The following NBAS variants were observed in gnomAD, a reference collection of about 807,000 sequenced individuals.
NBAS encodes the protein NBAS subunit of NRZ tethering complex.
NBAS carries 219 observed loss-of-function variants against 302.5 expected under a neutral mutation model. The ratio of observed to expected loss-of-function variants is 0.72; its 90% confidence interval spans 0.65 to 0.81. NBAS has a LOEUF of 0.81. NBAS is among the 30% of genes least tolerant of loss of function. NBAS has a pLI of 0.00. For synonymous variants in NBAS, 1,118 were observed against 1,021.6 expected, an observed-to-expected ratio of 1.09 and a Z score of -1.80; for missense variants, 2,932 against 2,841.6, an observed-to-expected ratio of 1.03 and a Z score of -0.72.
intron 2 of NBAS, among the ~76,000 whole-genome samples, 156 bp downstream of exon 2, chr2:15,558,424 G>A (rs1244968183): frequency 2.0e-5 from 3 of 151,878 alleles, no homozygotes; most frequent in African/African-American, 4.8e-5. Flanking sequence ...ATATACAAAT[G>A]TATACATATA....
the NBAS span, among the ~76,000 whole-genome samples, chr2:15,089,734 G>A: frequency 6.9e-6 from 1 of 144,316 alleles, no homozygotes; most frequent in African/African-American, 2.6e-5. Context: ...TTGACAATTG[G>A]GTCAGGACTT....
chr2:15,229,363 A>G (rs866311533), intron 47 of NBAS, among the ~76,000 whole-genome samples: 1 of 150,582 alleles, frequency 6.6e-6, no homozygotes, highest in Non-Finnish European at 1.5e-5. Context: ...AAAAAAAAAA[A>G]AAAAAAAAAA....
chr2:15,037,248 C>T, the NBAS span, among the ~76,000 whole-genome samples: 3 of 152,144 alleles, frequency 2.0e-5, no homozygotes, highest in East Asian at 5.8e-4. Context: ...AAAAGGCTGG[C>T]CTGGGAATGC....
At chr2:15,029,160 G>A in the NBAS span, among the ~76,000 whole-genome samples, 2 of 152,148 alleles carry the variant, frequency 1.3e-5, no homozygotes, top group Admixed American at 6.5e-5. Context: ...CAGCTCCAAA[G>A]GGATTCATAA....
intron 44 of NBAS, among the ~76,000 whole-genome samples, chr2:15,252,672 T>C (rs1668419522): frequency 6.6e-6 from 1 of 152,132 alleles, no homozygotes; most frequent in South Asian, 2.1e-4. Flanking sequence ...ATTTAACTAA[T>C]TAAAAAAATA....
chr2:15,381,304 C>T (rs1214600872), intron 29 of NBAS, among the ~76,000 whole-genome samples: 1 of 152,062 alleles, frequency 6.6e-6, no homozygotes, highest in East Asian at 1.9e-4. Context: ...AATCTAACAA[C>T]CAAGTCACTA....
Position 15,527,767 on chromosome 2 carries a change from G to A in NBAS, c.746+6776C>T, listed in dbSNP as rs1392978474. Among the ~76,000 whole-genome samples the A allele has an allele frequency of 6.6e-5, 10 of 152,150 alleles. 1 individual carries two copies. On this transcript the variant is annotated intron_variant, in intron 9 of 51. Transcript: ENST00000281513. ...AATAGAAAAAAATTAACAATAAAAT[G>A]TGGTGTATTTAAACAGCGCCCAAAC...
the NBAS span, among the ~76,000 whole-genome samples, chr2:14,810,993 C>T: frequency 2.7e-3 from 414 of 152,346 alleles, 1 homozygote; most frequent in Middle Eastern, 0.027. Flanking sequence ...GAGGTAAGAA[C>T]ATCCAAAACA....
chr2:14,782,888 C>T, the NBAS span, among the ~76,000 whole-genome samples: 1 of 152,028 alleles, frequency 6.6e-6, no homozygotes, highest in Non-Finnish European at 1.5e-5. Flanking sequence ...TTTTCACTTA[C>T]AAGTGGGAGC....
chr2:15,253,817 C>A (rs1668464697), intron 44 of NBAS, among the ~76,000 whole-genome samples: 1 of 152,164 alleles, frequency 6.6e-6, no homozygotes, highest in Non-Finnish European at 1.5e-5. Flanking sequence ...TGGAGACCAC[C>A]TTTGCAAAAA....
chr2:15,058,278 G>A, the NBAS span, among the ~76,000 whole-genome samples: 3 of 152,162 alleles, frequency 2.0e-5, no homozygotes, highest in African/African-American at 7.2e-5. Context: ...GCTGGGGAGA[G>A]GAGTGTTACT....
intron 21 of NBAS, among the ~76,000 whole-genome samples, chr2:15,448,483 C>T (rs1470497783): frequency 6.6e-6 from 1 of 152,170 alleles, no homozygotes. Context: ...ACACAGCTAG[C>T]ATGTACTCAC....
At chr2:14,888,925 C>G in the NBAS span, among the ~76,000 whole-genome samples, 1 of 152,196 alleles carries the variant, frequency 6.6e-6, no homozygotes, top group African/African-American at 2.4e-5. Flanking sequence ...CATGAGCCAG[C>G]AGAACCTTGC....
At chr2:15,003,597 T>C in the NBAS span, among the ~76,000 whole-genome samples, 38 of 152,310 alleles carry the variant, frequency 2.5e-4, no homozygotes, top group Admixed American at 2.0e-3. Context: ...TCTCATTCTC[T>C]CTTTAAAGGT....
chr2:15,330,872 C>T, intron 35 of NBAS, 107 bp from the exon 36 acceptor site: 1 of 1,232,064 alleles, frequency 8.1e-7, no homozygotes, highest in Non-Finnish European at 1.1e-6. Flanking sequence ...AACTTGAAGA[C>T]AGACACATTT....
At chr2:14,993,097 C>T in the NBAS span, among the ~76,000 whole-genome samples, 1 of 152,154 alleles carries the variant, frequency 6.6e-6, no homozygotes, top group Admixed American at 6.5e-5. Flanking sequence ...AAGGGAGTGA[C>T]CATTTATTGA....
At chr2:15,513,545 C>T (rs1231127788) in intron 9 of NBAS, among the ~76,000 whole-genome samples, 1 of 150,370 alleles carries the variant, frequency 6.7e-6, no homozygotes, top group African/African-American at 2.4e-5. Flanking sequence ...CTTTAAACAA[C>T]ACTACAAAGA....
the NBAS span, among the ~76,000 whole-genome samples, chr2:14,870,846 T>TG: frequency 6.6e-6 from 1 of 151,858 alleles, no homozygotes; most frequent in Non-Finnish European, 1.5e-5. Context: ...AACAAAGATA[T>TG]TAAAGTATTA....
chr2:15,455,163 A>T (rs993606575), intron 21 of NBAS, among the ~76,000 whole-genome samples: 1 of 152,154 alleles, frequency 6.6e-6, no homozygotes, highest in Non-Finnish European at 1.5e-5. Context: ...TTGGCCTCCC[A>T]AAGTGCTGGG....
Sources: allele counts gnomAD v4.1 joint callset (sites outside exome capture counted in the v4.1 genomes callset), GRCh38; gene constraint gnomAD v4.1.1; transcripts MANE v1.5; gene names NCBI Gene and HGNC (gene_info 2026-07-23, HGNC 2026-07-21).